ANXA10: variants seen among roughly 807,000 people sequenced by gnomAD.
The protein encoded by ANXA10 is annexin A10.
In ANXA10, 49 loss-of-function variants were observed where a neutral mutation model predicts 53.5. That is an observed-to-expected ratio of 0.92 (90% confidence interval 0.73 to 1.16). The LOEUF (loss-of-function observed/expected upper bound fraction) is 1.16, where lower values mean the gene tolerates loss of function less well. Among genes scored for constraint, ANXA10 ranks in the 50% most tolerant of loss-of-function variants. The pLI is 0.00. For missense variants in ANXA10, 393 were observed against 394.4 expected (o/e 1.00, Z 0.03); for synonymous variants, 131 against 128.9 (o/e 1.02, Z -0.11).
intron 1 of ANXA10, among the ~76,000 whole-genome samples, chr4:168,107,861 G>A (rs1263282694): frequency 6.6e-6 from 1 of 152,012 alleles, no homozygotes; most frequent in African/African-American, 2.4e-5. Flanking sequence ...CCATTATATT[G>A]GGGGGTAGGG....
chr4:168,156,024 A>G (rs1256666465), intron 3 of ANXA10, among the ~76,000 whole-genome samples: 1 of 45,368 alleles, frequency 2.2e-5, no homozygotes, highest in Admixed American at 3.9e-4. Context: ...TATATAATAT[A>G]TTATATATAG....
intron 2 of ANXA10, among the ~76,000 whole-genome samples, chr4:168,133,067 C>A (rs1458996684): frequency 1.3e-5 from 2 of 152,046 alleles, no homozygotes; most frequent in East Asian, 1.9e-4. Context: ...AGCTTTCATG[C>A]TGTAAATAAG....
Position 168,184,609 on chromosome 4 carries a change from T to C in ANXA10, c.834T>C (p.Ser278=). ...KTVIRILIAR[S]EIDLLTIRKR... is the part of the protein sequence containing the mutation. ...TAATCAGGATTCTCATTGCCAGAAG[T>C]GAAATAGACCTGCTGACCATAAGGA... is the stretch of plus-strand genomic sequence containing the variant. The change falls in exon 11 of 12, where the codon AGT becomes AGC. Residue 278 remains serine, a synonymous_variant. Transcript: ENST00000359299. 3.1e-6 allele frequency: 5 copies of C among 1,613,910 alleles called. No individual in the cohort carries two copies. The highest frequency in any genetic ancestry group is 4.2e-6 in the Non-Finnish European group (5 of 1,179,870).
chr4:168,116,623 G>A (rs1021180613), intron 1 of ANXA10, among the ~76,000 whole-genome samples: 1 of 151,688 alleles, frequency 6.6e-6, no homozygotes. Context: ...AGGCAAAAAG[G>A]CACTATTTTA....
At chr4:168,126,517 A>C (rs1485589233) in intron 1 of ANXA10, among the ~76,000 whole-genome samples, 2 of 152,208 alleles carry the variant, frequency 1.3e-5, no homozygotes, top group Admixed American at 1.3e-4. Context: ...TTTGCATCTC[A>C]TATACAATCA....
chr4:168,142,029 T>C (rs1409233431), intron 3 of ANXA10, among the ~76,000 whole-genome samples: 1 of 152,122 alleles, frequency 6.6e-6, no homozygotes, highest in African/African-American at 2.4e-5. Flanking sequence ...TACTTGTGCC[T>C]ATATATCTCT....
intron 3 of ANXA10, among the ~76,000 whole-genome samples, chr4:168,161,252 G>T (rs770778424): frequency 2.6e-4 from 40 of 152,096 alleles, no homozygotes; most frequent in Admixed American, 2.0e-3. Flanking sequence ...CATAAGGAAG[G>T]TATACAGTTT....
At chr4:168,096,229 A>C (rs902592956) in intron 1 of ANXA10, among the ~76,000 whole-genome samples, 1 of 152,160 alleles carries the variant, frequency 6.6e-6, no homozygotes, top group African/African-American at 2.4e-5. Flanking sequence ...TCCCAGGACA[A>C]AAACTTCCAT....
intron 8 of ANXA10, 49 bp downstream of exon 8, chr4:168,178,032 A>G: frequency 2.0e-6 from 3 of 1,538,452 alleles, no homozygotes; most frequent in Non-Finnish European, 2.7e-6. Context: ...ATTATATAAC[A>G]AAAAGAAGGT....
At chr4:168,105,011 T>C (rs1483953580) in intron 1 of ANXA10, among the ~76,000 whole-genome samples, 1 of 151,984 alleles carries the variant, frequency 6.6e-6, no homozygotes, top group Non-Finnish European at 1.5e-5. Flanking sequence ...GGCAGACTTG[T>C]GTGATAAATG....
intron 6 of ANXA10, among the ~76,000 whole-genome samples, chr4:168,167,001 G>A (rs1384515730): frequency 1.3e-5 from 2 of 152,136 alleles, no homozygotes; most frequent in Non-Finnish European, 2.9e-5. Context: ...CTTAGGTGAG[G>A]AGTTAGAATC....
chr4:168,174,653 A>C (rs1732084174), intron 6 of ANXA10, among the ~76,000 whole-genome samples: 1 of 152,232 alleles, frequency 6.6e-6, no homozygotes, highest in South Asian at 2.1e-4. Context: ...CAGAAAAAAA[A>C]TCCTGTGTCA....
rs61179704 is a variant in ANXA10, at chr4:168,153,422, C to CAAAAAAAAAAAAAAAAAAA, written c.196-9105_196-9087dup. On this transcript the variant is annotated intron_variant, in intron 3 of 11. Transcript: ENST00000359299. ...GCTTCAAGCTGCTAAAAGCCTAAAG[C>CAAAAAAAAAAAAAAAAAAA]AAAAAAAAAAAAAAAAAAACAAAAA... Among the ~76,000 whole-genome samples the CAAAAAAAAAAAAAAAAAAA allele has an allele frequency of 8.3e-4, 36 of 43,478 alleles. 1 individual carries two copies. The highest frequency in any genetic ancestry group is 1.1e-3 in the Non-Finnish European group (21 of 19,332). 28.5% of individuals were successfully genotyped at this position (43,478 alleles called of 152,430 possible).
intron 1 of ANXA10, among the ~76,000 whole-genome samples, chr4:168,098,476 T>C (rs780478338): frequency 6.6e-6 from 1 of 152,118 alleles, no homozygotes; most frequent in Non-Finnish European, 1.5e-5. Context: ...GTAGAAATTA[T>C]TTGTAATCAG....
intron 1 of ANXA10, among the ~76,000 whole-genome samples, chr4:168,095,480 TA>T (rs1273213503): frequency 3.3e-5 from 5 of 152,076 alleles, no homozygotes; most frequent in Admixed American, 2.6e-4. Flanking sequence ...ATTTCTTACC[TA>T]AAATAGCATT....
At chr4:168,113,586 A>G (rs1404222788) in intron 1 of ANXA10, among the ~76,000 whole-genome samples, 2 of 152,254 alleles carry the variant, frequency 1.3e-5, no homozygotes, top group Non-Finnish European at 2.9e-5. Context: ...GCCCTTGTAT[A>G]AAAGTACATA....
chr4:168,167,684 T>G (rs201492888), intron 6 of ANXA10, among the ~76,000 whole-genome samples: 2 of 152,220 alleles, frequency 1.3e-5, no homozygotes, highest in East Asian at 3.8e-4. Flanking sequence ...AGAGTTGTGA[T>G]CTACTTGCTT....
chr4:168,156,162 T>TTATATATTA (rs1731659864), intron 3 of ANXA10, among the ~76,000 whole-genome samples: 3 of 50,888 alleles, frequency 5.9e-5, no homozygotes, highest in Non-Finnish European at 6.5e-5. Context: ...ATATTATATA[T>TTATATATTA]TATATATATT....
chr4:168,120,155 G>A (rs904344629), intron 1 of ANXA10, among the ~76,000 whole-genome samples: 2 of 151,826 alleles, frequency 1.3e-5, no homozygotes, highest in African/African-American at 4.8e-5. Flanking sequence ...ATGGAGATGG[G>A]GTTTTACTGG....
Sources: allele counts gnomAD v4.1 joint callset (sites outside exome capture counted in the v4.1 genomes callset), GRCh38; gene constraint gnomAD v4.1.1; transcripts MANE v1.5; gene names NCBI Gene and HGNC (gene_info 2026-07-23, HGNC 2026-07-21).